LNPEP: variants seen among roughly 807,000 people sequenced by gnomAD.
LNPEP encodes leucyl-cystinyl aminopeptidase.
A neutral mutation model predicts 120.6 loss-of-function variants in LNPEP; 64 were observed. The ratio of observed to expected loss-of-function variants is 0.53; its 90% CI spans 0.43 to 0.65. LNPEP has a LOEUF of 0.65. Ranked by LOEUF, LNPEP falls within the 30% of genes least tolerant of loss-of-function variation. LNPEP has a pLI of 0.00. For missense variants in LNPEP, 1,057 were observed against 1,200.0 expected, an observed-to-expected ratio of 0.88 and a Z score of 1.76; for synonymous variants, 435 against 425.4, an observed-to-expected ratio of 1.02 and a Z score of -0.28.
At chr5:97,016,306 G>T (rs1324497948) in intron 13 of LNPEP, among the ~76,000 whole-genome samples, 1 of 152,146 alleles carries the variant, frequency 6.6e-6, no homozygotes, top group African/African-American at 2.4e-5. Flanking sequence ...AGTAAACGTT[G>T]AGTGAATAAA....
intron 1 of LNPEP, among the ~76,000 whole-genome samples, chr5:96,975,784 G>A (rs1252186483): frequency 1.3e-5 from 2 of 152,112 alleles, no homozygotes; most frequent in Non-Finnish European, 2.9e-5. Context: ...GGTACTAATA[G>A]TCTATGTATA....
intron 7 of LNPEP, among the ~76,000 whole-genome samples, chr5:96,997,062 G>A (rs189134499): frequency 7.2e-5 from 11 of 152,114 alleles, no homozygotes; most frequent in Non-Finnish European, 1.6e-4. Flanking sequence ...GTACAGAGAA[G>A]TATAATAGTG....
intron 4 of LNPEP, among the ~76,000 whole-genome samples, chr5:96,991,167 G>A (rs1229901810): frequency 6.6e-6 from 1 of 152,108 alleles, no homozygotes; most frequent in Non-Finnish European, 1.5e-5. Flanking sequence ...ACGATGTCTG[G>A]TTTTCCATTC....
chr5:96,974,983 T>C (rs1210591050), intron 1 of LNPEP, among the ~76,000 whole-genome samples: 1 of 152,152 alleles, frequency 6.6e-6, no homozygotes, highest in Non-Finnish European at 1.5e-5. Context: ...ATGGTTTTAA[T>C]GACCATATCT....
Position 96,936,152 on chromosome 5 carries a change from G to A in LNPEP, c.-4G>A. The A allele has an allele frequency of 6.7e-7, 1 of 1,502,944 alleles. No homozygotes were observed. The highest frequency in any genetic ancestry group is 8.9e-7 in the Non-Finnish European group (1 of 1,127,018). The allele number at this position is 1,502,944 out of a possible 1,614,324, so 93.1% of individuals were successfully genotyped here. On this transcript the variant is annotated 5_prime_UTR_variant, in exon 1 of 18. Coordinates refer to ENST00000231368, the MANE Select transcript of LNPEP (RefSeq NM_005575.3). ...CGGCTGTAAGGAGCCGCGGCGGGGG[G>A]AAAATGGAGCCCTTCACCAATGGTG...
chr5:97,006,277 A>T (rs1582022195), intron 10 of LNPEP, 44 bp downstream of exon 10: 2 of 1,505,464 alleles, frequency 1.3e-6, no homozygotes, highest in East Asian at 2.3e-5. Context: ...TTGCACTCTC[A>T]GGTGGAAATA....
intron 1 of LNPEP, among the ~76,000 whole-genome samples, chr5:96,965,668 C>G (rs1789709355): frequency 6.6e-6 from 1 of 152,096 alleles, no homozygotes; most frequent in African/African-American, 2.4e-5. Flanking sequence ...CTTGGACCTT[C>G]TGGAGAGTAG....
intron 1 of LNPEP, among the ~76,000 whole-genome samples, chr5:96,972,513 C>T (rs1235560383): frequency 6.6e-6 from 1 of 152,066 alleles, no homozygotes; most frequent in Non-Finnish European, 1.5e-5. Context: ...TAAGGACTCT[C>T]AGAAAACCTT....
chr5:96,996,342 C>T, intron 6 of LNPEP, 48 bp from the exon 7 acceptor site: 1 of 1,044,848 alleles, frequency 9.6e-7, no homozygotes, highest in Non-Finnish European at 1.5e-6. Flanking sequence ...TTAAAAAATT[C>T]CTGAGGCTGT....
chr5:97,019,608 G>A (rs1791143784), intron 13 of LNPEP, among the ~76,000 whole-genome samples: 1 of 152,130 alleles, frequency 6.6e-6, no homozygotes, highest in Admixed American at 6.6e-5. Flanking sequence ...TCAGGAATTA[G>A]CCACAGCCAT....
intron 13 of LNPEP, among the ~76,000 whole-genome samples, chr5:97,019,110 A>G (rs907085059): frequency 5.9e-5 from 9 of 152,226 alleles, no homozygotes; most frequent in African/African-American, 2.2e-4. Flanking sequence ...AATATACAAC[A>G]TAAGTGCTAG....
intron 1 of LNPEP, among the ~76,000 whole-genome samples, chr5:96,951,164 G>A (rs928972694): frequency 5.3e-5 from 8 of 151,792 alleles, no homozygotes; most frequent in African/African-American, 1.7e-4. Context: ...ATTGGATTAG[G>A]GCTCTACCCT....
At chr5:97,005,479 G>A (rs955622928) in intron 9 of LNPEP, among the ~76,000 whole-genome samples, 5 of 152,090 alleles carry the variant, frequency 3.3e-5, no homozygotes, top group African/African-American at 9.7e-5. Flanking sequence ...GACCACTAAA[G>A]TAGTTTACCA....
intron 4 of LNPEP, among the ~76,000 whole-genome samples, chr5:96,990,860 A>G (rs1790373976): frequency 6.6e-6 from 1 of 152,186 alleles, no homozygotes; most frequent in Non-Finnish European, 1.5e-5. Context: ...GCCTCACATA[A>G]AGACAATATG....
At chr5:96,960,002 G>A (rs1277234065) in intron 1 of LNPEP, among the ~76,000 whole-genome samples, 1 of 137,038 alleles carries the variant, frequency 7.3e-6, no homozygotes, top group African/African-American at 2.8e-5. Flanking sequence ...GCAATGGTGT[G>A]ATCTTGGCTC....
At position 97,032,626 on chromosome 5, in the gene LNPEP, G is replaced by T. The variant is rs537822290; in HGVS notation, c.*4093G>T. 6.6e-6 allele frequency: 1 copy of T among 152,098 alleles called. No homozygotes were observed. The highest frequency in any genetic ancestry group is 2.4e-5 in the African/African-American group (1 of 41,408). The allele number at this position is 152,098 out of a possible 1,614,324, so 9.4% of individuals were successfully genotyped here. On this transcript the variant is annotated 3_prime_UTR_variant, in exon 18 of 18. Coordinates refer to ENST00000231368, the MANE Select transcript of LNPEP (RefSeq NM_005575.3). ...GCAGTAGCTACAGACTAGTTATTTG[G>T]TTTCCTTCTTTGGAAGAAGGTGGTG... is the stretch of plus-strand genomic sequence containing the variant.
chr5:96,937,364 T>C (rs1166888890), intron 1 of LNPEP: 1 of 152,234 alleles, frequency 6.6e-6, no homozygotes. Flanking sequence ...TACTGCCATC[T>C]TTCTGTCTGC....
At position 97,037,480 on chromosome 5, in the gene LNPEP, T is replaced by C. The variant is rs1287663726; in HGVS notation, c.*8947T>C. 1 of 152,202 alleles carries C rather than the reference T, an allele frequency of 6.6e-6. No homozygotes were observed. Among genetic ancestry groups the C allele is most frequent in the African/African-American group, 2.4e-5 (1 of 41,462 alleles). The allele number at this position is 152,202 out of a possible 1,614,324, so 9.4% of individuals were successfully genotyped here. A position where few individuals can be genotyped will look rare whatever the true frequency, so the allele number is the denominator to read the frequency against. On this transcript the variant is annotated 3_prime_UTR_variant, in exon 18 of 18. Coordinates refer to ENST00000231368, the MANE Select transcript of LNPEP (RefSeq NM_005575.3). Reference sequence around the variant, plus strand: ...GTAGCTGCAAACACTGTTGCTTTTTTTGTGAAATGAAAATAAAAGTATTTA... The same window carrying C: ...GTAGCTGCAAACACTGTTGCTTTTTCTGTGAAATGAAAATAAAAGTATTTA...
chr5:97,010,861 G>A, intron 11 of LNPEP: 1 of 985,376 alleles, frequency 1.0e-6, no homozygotes. Context: ...TTCAATACCT[G>A]TGGTTTTAAG....
Sources: allele counts gnomAD v4.1 joint callset (sites outside exome capture counted in the v4.1 genomes callset), GRCh38; gene constraint gnomAD v4.1.1; transcripts MANE v1.5; gene names NCBI Gene and HGNC (gene_info 2026-07-23, HGNC 2026-07-21).